PTPRN2: variants seen among roughly 807,000 people sequenced by gnomAD.
The protein encoded by PTPRN2 is protein tyrosine phosphatase receptor type N2.
PTPRN2 carries 74 observed loss-of-function variants against 118.8 expected under a neutral mutation model. That is an observed-to-expected ratio of 0.62 (90% confidence interval 0.52 to 0.76). The LOEUF is 0.76. Among genes scored for constraint, PTPRN2 ranks in the 30% least tolerant of loss-of-function variants. The probability of loss-of-function intolerance (pLI) is 0.00; values close to 1 mark genes in which losing one functional copy is unlikely to be tolerated. For synonymous variants in PTPRN2, 641 were observed against 608.0 expected, an observed-to-expected ratio of 1.05 and a Z score of -0.80; for missense variants, 1,481 against 1,394.4, an observed-to-expected ratio of 1.06 and a Z score of -0.99.
rs1249684356 is a variant in PTPRN2, at chr7:158,525,253, G to A, written c.113-35468C>T. On this transcript the variant is annotated intron_variant, in intron 1 of 22. Coordinates refer to ENST00000389418, the MANE Select transcript of PTPRN2 (RefSeq NM_002847.5). The surrounding 1 kb of genome is among the most constrained non-coding windows in gnomAD (Gnocchi z 4.1). Reference sequence around the variant, plus strand: ...TCTGGCAAGTAGTCCAGAGGTGAAAGTTTCTCTATTTTGGAAACTGGGCAT... The same window carrying A: ...TCTGGCAAGTAGTCCAGAGGTGAAAATTTCTCTATTTTGGAAACTGGGCAT... Among the ~76,000 whole-genome samples, 2 of 152,214 alleles carry A rather than the reference G, an allele frequency of 1.3e-5. No homozygotes were observed. The highest frequency in any genetic ancestry group is 1.5e-5 in the Non-Finnish European group (1 of 68,042).
chr7:158,310,907 G>C (rs914941281), intron 3 of PTPRN2, among the ~76,000 whole-genome samples: 2 of 152,172 alleles, frequency 1.3e-5, no homozygotes, highest in African/African-American at 2.4e-5. Context: ...TGAGCACCAC[G>C]CGTGACTCCA....
At chr7:158,091,970 A>C (rs11977421) in intron 10 of PTPRN2, among the ~76,000 whole-genome samples, 164 of 22,828 alleles carry the variant, frequency 7.2e-3, no homozygotes, top group East Asian at 8.7e-3. Context: ...GGATGGGTAG[A>C]GAGATGGTTG....
intron 12 of PTPRN2, among the ~76,000 whole-genome samples, chr7:157,889,728 C>T (rs1252405521): frequency 6.6e-6 from 1 of 152,226 alleles, no homozygotes; most frequent in African/African-American, 2.4e-5. Flanking sequence ...ATTCCTGTTC[C>T]CTTTGCCTCT....
At chr7:158,062,507 G>A (rs1054903127) in intron 11 of PTPRN2, among the ~76,000 whole-genome samples, 3 of 152,192 alleles carry the variant, frequency 2.0e-5, no homozygotes, top group Admixed American at 1.3e-4. Context: ...GCTGCACCAT[G>A]GGAGCCCCTC....
intron 2 of PTPRN2, among the ~76,000 whole-genome samples, chr7:158,326,832 C>A (rs1490274274): frequency 6.9e-5 from 1 of 14,444 alleles, no homozygotes; most frequent in African/African-American, 4.8e-4. Context: ...CTCACACATG[C>A]TCTCACATGC....
At chr7:158,364,535 CA>C (rs1809279795) in intron 2 of PTPRN2, among the ~76,000 whole-genome samples, 1 of 152,212 alleles carries the variant, frequency 6.6e-6, no homozygotes, top group African/African-American at 2.4e-5. Flanking sequence ...AGAATACAAG[CA>C]AAGAGACAGT....
chr7:157,795,675 G>C (rs754131496), intron 12 of PTPRN2, among the ~76,000 whole-genome samples: 19 of 152,214 alleles, frequency 1.2e-4, no homozygotes, highest in Non-Finnish European at 2.2e-4. Flanking sequence ...CCCAACCAAG[G>C]AACTTCCGCC....
chr7:157,868,724 C>T lies in PTPRN2; in HGVS notation c.1788+29949G>A, dbSNP rs1387311856. 6.6e-6 allele frequency: 1 copy of T among 152,176 alleles called. No homozygotes were observed. Among genetic ancestry groups the T allele is most frequent in the East Asian group, 1.9e-4 (1 of 5,190 alleles). The allele number at this position is 152,176 out of a possible 1,614,324, so 9.4% of individuals were successfully genotyped here. On this transcript the variant is annotated intron_variant, in intron 12 of 22. Coordinates refer to ENST00000389418, the MANE Select transcript of PTPRN2 (RefSeq NM_002847.5). The surrounding 1 kb of genome is among the most constrained non-coding windows in gnomAD (Gnocchi z 5.2). ...ACTCGCCCATCCACTCAACAGCGGT[C>T]GTTCTTCATTGTATTGTGAGCTCCC... is the stretch of plus-strand genomic sequence containing the variant.
intron 6 of PTPRN2, among the ~76,000 whole-genome samples, chr7:158,153,663 C>T (rs1821416417): frequency 6.6e-6 from 1 of 152,210 alleles, no homozygotes; most frequent in Non-Finnish European, 1.5e-5. Context: ...CACAGATATG[C>T]AGGGTCTTGC....
At chr7:158,037,653 C>T (rs1204068518) in intron 11 of PTPRN2, among the ~76,000 whole-genome samples, 1 of 152,198 alleles carries the variant, frequency 6.6e-6, no homozygotes, top group Non-Finnish European at 1.5e-5. Flanking sequence ...TTGACTGAAA[C>T]GCTGTTATGT....
intron 2 of PTPRN2, among the ~76,000 whole-genome samples, chr7:158,407,207 GGTCCTGC>G (rs1177574545): frequency 4.3e-4 from 12 of 27,694 alleles, no homozygotes; most frequent in African/African-American, 1.3e-3. Context: ...CTGGGTCCTG[GGTCCTGC>G]GTCCTGCGTC....
At chr7:158,071,138 C>T (rs1811425000) in intron 11 of PTPRN2, among the ~76,000 whole-genome samples, 1 of 75,326 alleles carries the variant, frequency 1.3e-5, no homozygotes. Flanking sequence ...GGTGGAGGTG[C>T]TCGTGGTGGT....
chr7:157,906,363 G>A (rs565074273), intron 11 of PTPRN2, among the ~76,000 whole-genome samples: 82 of 152,338 alleles, frequency 5.4e-4, no homozygotes, highest in Middle Eastern at 6.8e-3. Context: ...TGGTCGCAGG[G>A]CTGATCACAA....
At chr7:157,932,285 G>C (rs1428768036) in intron 11 of PTPRN2, among the ~76,000 whole-genome samples, 1 of 152,216 alleles carries the variant, frequency 6.6e-6, no homozygotes, top group Admixed American at 6.5e-5. Flanking sequence ...TACACGATTT[G>C]TCTACTTCTC....
chr7:158,218,095 C>T (rs1318572451), intron 3 of PTPRN2, among the ~76,000 whole-genome samples: 1 of 152,140 alleles, frequency 6.6e-6, no homozygotes, highest in Non-Finnish European at 1.5e-5. Flanking sequence ...CAGAAAACCC[C>T]TGTGAGATAC....
chr7:158,397,886 ACAAT>A (rs1812649269), intron 2 of PTPRN2, among the ~76,000 whole-genome samples: 2 of 143,748 alleles, frequency 1.4e-5, no homozygotes, highest in African/African-American at 5.0e-5. Context: ...CCTGACAGTA[ACAAT>A]CAAACAGGAG....
In PTPRN2 at chr7:157,987,869, C is replaced by T. The variant is rs1350017551; in HGVS notation, c.1724-89132G>A. On this transcript the variant is annotated intron_variant, in intron 11 of 22. Transcript: ENST00000389418. This position sits in a 1 kb window ranked among gnomAD's most constrained non-coding sequence, Gnocchi z 4.3. ...ACTTCTGACACCTCCATCACTGATGCCCCCAGCTCTCCCCACACCTGCCAT... is the reference window on the plus strand; with the variant it reads ...ACTTCTGACACCTCCATCACTGATGTCCCCAGCTCTCCCCACACCTGCCAT... Among the ~76,000 whole-genome samples, 6 of 151,876 alleles carry T rather than the reference C, an allele frequency of 4.0e-5. 1 individual carries two copies. Among genetic ancestry groups the T allele is most frequent in the East Asian group, 2.0e-4 (1 of 5,118 alleles).
At chr7:157,782,444 C>T (rs1376567329) in intron 12 of PTPRN2, among the ~76,000 whole-genome samples, 1 of 152,176 alleles carries the variant, frequency 6.6e-6, no homozygotes, top group Non-Finnish European at 1.5e-5. Context: ...GTAGGAGCTG[C>T]AGCCCGCCCT....
intron 2 of PTPRN2, among the ~76,000 whole-genome samples, chr7:158,463,996 A>G (rs79924517): frequency 1.7e-5 from 1 of 58,172 alleles, no homozygotes; most frequent in African/African-American, 6.1e-5. Context: ...CATTTAGTAA[A>G]TAATCCTTCA....
Sources: allele counts gnomAD v4.1 joint callset (sites outside exome capture counted in the v4.1 genomes callset), GRCh38; gene constraint gnomAD v4.1.1; non-coding constraint Gnocchi (gnomAD v3.1); transcripts MANE v1.5; gene names NCBI Gene and HGNC (gene_info 2026-07-23, HGNC 2026-07-21).